Variants in FKBP9 observed in about 807,000 individuals in gnomAD.
The protein encoded by FKBP9 is peptidyl-prolyl cis-trans isomerase FKBP9.
In FKBP9, 27 loss-of-function variants were observed where a neutral mutation model predicts 55.6. The observed-to-expected ratio is 0.49, with a 90% confidence interval of 0.36 to 0.67. FKBP9 has a LOEUF of 0.67. FKBP9 is among the 30% of genes least tolerant of loss of function. The pLI, the probability that FKBP9 is intolerant of heterozygous loss-of-function variation, is 0.00. For synonymous variants in FKBP9, 267 were observed against 296.5 expected (o/e 0.90, Z 1.02); for missense variants, 539 against 742.8 (o/e 0.73, Z 3.19).
At chr7:32,977,455 T>G (rs1436963480) in intron 4 of FKBP9, among the ~76,000 whole-genome samples, 2 of 152,184 alleles carry the variant, frequency 1.3e-5, no homozygotes, top group African/African-American at 4.8e-5. Flanking sequence ...GCACAGCATC[T>G]GTACTGAATC....
At chr7:32,964,276 C>A (rs1784090380) in intron 1 of FKBP9, among the ~76,000 whole-genome samples, 1 of 152,190 alleles carries the variant, frequency 6.6e-6, no homozygotes, top group Non-Finnish European at 1.5e-5. Flanking sequence ...TTTGAATTTT[C>A]ATTTGTGGGT....
intron 4 of FKBP9, among the ~76,000 whole-genome samples, chr7:32,977,468 G>A (rs1181503767): frequency 6.6e-6 from 1 of 152,142 alleles, no homozygotes; most frequent in Non-Finnish European, 1.5e-5. Context: ...ACTGAATCCT[G>A]TGAGCTACTG....
rs1259999081 is a variant in FKBP9 at position 32,957,765 on chromosome 7, G to A, written c.192G>A (p.Thr64=). 6.8e-7 allele frequency: 1 copy of A among 1,468,552 alleles called. No individual in the cohort carries two copies. 91.0% of individuals were successfully genotyped at this position (1,468,552 alleles called of 1,614,324 possible). Residue 64 remains threonine, a synonymous_variant, in exon 1 of 10, where the codon ACG becomes ACA. Coordinates refer to ENST00000242209, the MANE Select transcript of FKBP9 (RefSeq NM_007270.5). ...GDFVRYHYVG[T]FPDGQKFDSS... ...TCGTGCGCTACCACTACGTGGGGAC[G>A]TTCCCCGACGGCCAGAAGTTCGACT...
intron 4 of FKBP9, among the ~76,000 whole-genome samples, chr7:32,977,985 G>T (rs1359909192): frequency 6.8e-6 from 1 of 147,508 alleles, no homozygotes; most frequent in Non-Finnish European, 1.5e-5. Context: ...GCAGTGGTGC[G>T]ATCTCGGCTC....
At position 32,979,373 on chromosome 7, in the gene FKBP9, T is replaced by G; in HGVS notation, c.704-991T>G. 10 of 671,040 alleles carry G rather than the reference T, an allele frequency of 1.5e-5. No homozygotes were observed. In the South Asian group the frequency reaches 1.6e-4, roughly 11 times the overall value. The allele number at this position is 671,040 out of a possible 1,614,324, so 41.6% of individuals were successfully genotyped here. On this transcript the variant is annotated intron_variant, in intron 4 of 9. Transcript: ENST00000242209. The stretch of plus-strand genomic sequence containing the variant: ...ACAGTAAGGCACAAAAGATTAATAT[T>G]CTATCTCCCACGCATGCGATTTAGG...
chr7:32,957,471 G>C lies in FKBP9; in HGVS notation c.-103G>C. 1.1e-6 allele frequency: 1 copy of C among 891,448 alleles called. No homozygotes were observed. Among genetic ancestry groups the C allele is most frequent in the Non-Finnish European group, 1.5e-6 (1 of 652,154 alleles). 55.2% of individuals were successfully genotyped at this position (891,448 alleles called of 1,614,324 possible). A position where few individuals can be genotyped will look rare whatever the true frequency, so the allele number is the denominator to read the frequency against. ...GGGTGGCGGCTGCAGCCCGGGTAGG[G>C]CCAGGAGACCCGGTCCACGTTTGCA... On this transcript the variant is annotated 5_prime_UTR_variant, in exon 1 of 10. Transcript: ENST00000242209.
At chr7:32,992,723 C>T (rs1436798789) in intron 6 of FKBP9, 9 of 210,810 alleles carry the variant, frequency 4.3e-5, no homozygotes, top group Non-Finnish European at 6.7e-5. Context: ...TTTTTGCAGG[C>T]GGAGAAACTC....
intron 9 of FKBP9, among the ~76,000 whole-genome samples, chr7:33,004,616 T>G (rs998019713): frequency 6.6e-6 from 1 of 152,240 alleles, no homozygotes; most frequent in African/African-American, 2.4e-5. Flanking sequence ...CTTTCTCCCT[T>G]CCTTACTGAG....
chr7:32,957,928 A>T, intron 1 of FKBP9, 134 bp downstream of exon 1: 1 of 706,886 alleles, frequency 1.4e-6, no homozygotes, highest in East Asian at 3.4e-5. Context: ...CGCTGCCCAG[A>T]TCCTCCCGGA....
At chr7:33,001,394 G>T (rs1784929837) in intron 8 of FKBP9, among the ~76,000 whole-genome samples, 1 of 152,012 alleles carries the variant, frequency 6.6e-6, no homozygotes, top group African/African-American at 2.4e-5. Flanking sequence ...AATTAGCTGG[G>T]CATGGTGGCG....
At chr7:32,990,643 C>G (rs1784662310) in intron 6 of FKBP9, among the ~76,000 whole-genome samples, 1 of 152,210 alleles carries the variant, frequency 6.6e-6, no homozygotes. Context: ...CTCTCTTCAC[C>G]TAATTTGTGG....
chr7:32,979,897 T>C (rs1167116520), intron 4 of FKBP9, among the ~76,000 whole-genome samples: 3 of 151,664 alleles, frequency 2.0e-5, no homozygotes, highest in Admixed American at 6.6e-5. Context: ...CTTAAAGCAT[T>C]GAGTTTTACT....
chr7:32,973,553 T>A (rs1307452700), intron 1 of FKBP9, among the ~76,000 whole-genome samples: 10 of 137,906 alleles, frequency 7.3e-5, no homozygotes, highest in Non-Finnish European at 9.2e-5. Context: ...TGTGTTTAAC[T>A]TAGCTGGATG....
chr7:32,989,978 C>T (rs962904803), intron 6 of FKBP9, among the ~76,000 whole-genome samples: 36 of 151,852 alleles, frequency 2.4e-4, no homozygotes, highest in African/African-American at 3.4e-4. Context: ...CTACCATGCA[C>T]GGCTAATTCA....
chr7:32,973,092 C>T (rs2127979602), intron 1 of FKBP9, among the ~76,000 whole-genome samples: 1 of 152,242 alleles, frequency 6.6e-6, no homozygotes, highest in East Asian at 1.9e-4. Context: ...TTATAAAATG[C>T]CATAGAGCAT....
At chr7:32,992,193 A>C (rs888308465) in intron 6 of FKBP9, among the ~76,000 whole-genome samples, 151 of 152,010 alleles carry the variant, frequency 9.9e-4, no homozygotes, top group African/African-American at 3.2e-3. Context: ...CAGAGGAAAC[A>C]CACCCGCTCA....
chr7:32,976,541 A>C, intron 4 of FKBP9, 42 bp downstream of exon 4: 1 of 1,554,582 alleles, frequency 6.4e-7, no homozygotes. Context: ...TCCTACCCTT[A>C]TTTTTATTGC....
At chr7:32,994,323 C>T (rs527465321) in intron 6 of FKBP9, among the ~76,000 whole-genome samples, 1 of 152,330 alleles carries the variant, frequency 6.6e-6, no homozygotes, top group African/African-American at 2.4e-5. Flanking sequence ...CTGGATGTTT[C>T]CATATCCCTG....
At chr7:32,991,461 A>G (rs1173470394) in intron 6 of FKBP9, among the ~76,000 whole-genome samples, 1 of 152,138 alleles carries the variant, frequency 6.6e-6, no homozygotes, top group Non-Finnish European at 1.5e-5. Context: ...CTGATCCCTG[A>G]GGGGCTGACC....
Sources: allele counts gnomAD v4.1 joint callset (sites outside exome capture counted in the v4.1 genomes callset), GRCh38; gene constraint gnomAD v4.1.1; transcripts MANE v1.5; gene names NCBI Gene and HGNC (gene_info 2026-07-23, HGNC 2026-07-21).